The following ABCC1 variants were observed in gnomAD, a reference collection of about 807,000 sequenced individuals.
ABCC1 encodes the protein multidrug resistance-associated protein 1.
A neutral mutation model predicts 172.9 loss-of-function variants in ABCC1; 83 were observed. The observed-to-expected ratio is 0.48, with a 90% CI of 0.40 to 0.58. The LOEUF is 0.58. Ranked by LOEUF, ABCC1 falls within the 20% of genes least tolerant of loss-of-function variation. The probability of loss-of-function intolerance (pLI) is 0.00; values close to 1 mark genes in which losing one functional copy is unlikely to be tolerated. For synonymous variants in ABCC1, 937 were observed against 825.2 expected, an observed-to-expected ratio of 1.14 and a Z score of -2.32; for missense variants, 1,817 against 2,002.7, an observed-to-expected ratio of 0.91 and a Z score of 1.77.
rs867671647 is a variant in ABCC1 at position 15,958,522 on chromosome 16, C to T, written c.48+8723C>T. 3.9e-5 allele frequency among the ~76,000 whole-genome samples: 6 copies of T among 152,294 alleles called. No homozygotes were observed. The Middle Eastern group carries it at 0.01, about 259-fold the overall frequency. ...TGGCATCTCCTGCTTTGCAGGCCAA[C>T]CTTGAAGTTAGCATCTGATTGGTAT... is the stretch of plus-strand genomic sequence containing the variant. On this transcript the variant is annotated intron_variant, in intron 1 of 30. Transcript: ENST00000399410.
intron 20 of ABCC1, among the ~76,000 whole-genome samples, chr16:16,106,248 C>T (rs1046910205): frequency 2.6e-5 from 4 of 152,108 alleles, no homozygotes; most frequent in Non-Finnish European, 4.4e-5. Flanking sequence ...GTGCCCACCA[C>T]ATTTGTAAAA....
intron 1 of ABCC1, among the ~76,000 whole-genome samples, chr16:15,997,646 C>T (rs540985107): frequency 2.4e-4 from 36 of 152,122 alleles, no homozygotes; most frequent in African/African-American, 6.7e-4. Flanking sequence ...GCCAGGGAAT[C>T]GTCCCTTCCT....
chr16:16,010,052 TTTTTTTTTA>T, intron 3 of ABCC1, 151 bp downstream of exon 3: 8 of 652,600 alleles, frequency 1.2e-5, no homozygotes, highest in Admixed American at 4.6e-5. Flanking sequence ...TTTTTTTTTT[TTTTTTTTTA>T]AAGACATGAG....
Position 16,041,094 on chromosome 16 carries a change from A to ATT in ABCC1, c.810-3339_810-3338dup, listed in dbSNP as rs35254618. On this transcript the variant is annotated intron_variant, in intron 7 of 30. Coordinates refer to ENST00000399410, the MANE Select transcript of ABCC1 (RefSeq NM_004996.4). Reference sequence around the variant, plus strand: ...AGGCACGTGCCACCACACCTGGCTAATTTTTTTTTTTTTTTTTTGTAGAGA... The same window carrying ATT: ...AGGCACGTGCCACCACACCTGGCTAATTTTTTTTTTTTTTTTTTTTGTAGAGA... Among the ~76,000 whole-genome samples the ATT allele has an allele frequency of 8.5e-3, 1,128 of 133,086 alleles. 24 individuals are homozygous for ATT. Among genetic ancestry groups the ATT allele is most frequent in the African/African-American group, 0.028 (962 of 34,682 alleles). 87.3% of individuals were successfully genotyped at this position (133,086 alleles called of 152,430 possible).
chr16:16,113,150 C>G (rs1486147993), intron 22 of ABCC1, among the ~76,000 whole-genome samples: 1 of 152,164 alleles, frequency 6.6e-6, no homozygotes, highest in East Asian at 1.9e-4. Context: ...GCAGAGCACA[C>G]ATGGACTCCT....
intron 6 of ABCC1, among the ~76,000 whole-genome samples, chr16:16,033,714 C>T (rs1038318314): frequency 6.6e-6 from 1 of 152,074 alleles, no homozygotes; most frequent in Admixed American, 6.6e-5. Context: ...GTCTCCGCCT[C>T]CCAGGTTCAA....
intron 1 of ABCC1, among the ~76,000 whole-genome samples, chr16:15,974,150 C>G (rs901619935): frequency 1.3e-5 from 2 of 152,148 alleles, no homozygotes; most frequent in Admixed American, 6.5e-5. Context: ...GAGAGTATTC[C>G]TGGGACCTGG....
chr16:15,951,478 T>C (rs375245319), intron 1 of ABCC1, among the ~76,000 whole-genome samples: 2 of 152,290 alleles, frequency 1.3e-5, no homozygotes, highest in East Asian at 3.9e-4. Flanking sequence ...TGGGTTTTGC[T>C]TGGGGGTAAT....
intron 1 of ABCC1, among the ~76,000 whole-genome samples, chr16:16,002,991 G>A (rs143555190): frequency 6.8e-4 from 104 of 152,246 alleles, no homozygotes; most frequent in Middle Eastern, 3.4e-3. Context: ...ATACCTTTTT[G>A]AGTAATTTGA....
At chr16:16,012,140 ACT>A (rs1347457267) in intron 3 of ABCC1, among the ~76,000 whole-genome samples, 3 of 152,028 alleles carry the variant, frequency 2.0e-5, no homozygotes, top group Admixed American at 1.3e-4. Context: ...TGTGCTGTCC[ACT>A]CTCTGCCAAG....
At chr16:16,072,500 A>G (rs2050389714) in intron 14 of ABCC1, among the ~76,000 whole-genome samples, 1 of 138,824 alleles carries the variant, frequency 7.2e-6, no homozygotes, top group African/African-American at 2.8e-5. Flanking sequence ...TTTTTTTTCA[A>G]TATTAAATTG....
intron 5 of ABCC1, among the ~76,000 whole-genome samples, chr16:16,027,140 A>C (rs1161493067): frequency 6.6e-6 from 1 of 152,124 alleles, no homozygotes; most frequent in Non-Finnish European, 1.5e-5. Context: ...CTGGATTTGC[A>C]GGCAAAAGAC....
intron 5 of ABCC1, among the ~76,000 whole-genome samples, chr16:16,022,105 C>T (rs575035748): frequency 4.6e-5 from 7 of 152,328 alleles, no homozygotes; most frequent in East Asian, 3.9e-4. Context: ...CATCACCTGT[C>T]GCCTGTCCTC....
At chr16:16,117,561 A>G (rs2044946855) in intron 23 of ABCC1, among the ~76,000 whole-genome samples, 1 of 152,154 alleles carries the variant, frequency 6.6e-6, no homozygotes, top group South Asian at 2.1e-4. Flanking sequence ...TTCACAAGGG[A>G]CCCTGGAAAG....
intron 1 of ABCC1, among the ~76,000 whole-genome samples, chr16:15,994,888 C>T (rs1043036701): frequency 6.6e-6 from 1 of 151,568 alleles, no homozygotes. Context: ...CTCAGCCTCC[C>T]TAGTAGCTGG....
chr16:16,069,192 A>AT (rs1368869374), intron 13 of ABCC1, among the ~76,000 whole-genome samples: 3 of 147,924 alleles, frequency 2.0e-5, no homozygotes, highest in African/African-American at 7.4e-5. Context: ...AAATAAATAA[A>AT]TAAATAAATA....
intron 1 of ABCC1, among the ~76,000 whole-genome samples, chr16:15,952,375 A>G (rs1300311665): frequency 6.6e-6 from 1 of 152,120 alleles, no homozygotes; most frequent in East Asian, 1.9e-4. Flanking sequence ...GTTGTGACCA[A>G]GGTCATGTGC....
chr16:15,971,842 G>A (rs754967727), intron 1 of ABCC1, among the ~76,000 whole-genome samples: 4 of 152,164 alleles, frequency 2.6e-5, no homozygotes, highest in Non-Finnish European at 5.9e-5. Flanking sequence ...CCTCATGCCG[G>A]TTTAGATAAA....
At chr16:16,112,531 T>C (rs2044662388) in intron 22 of ABCC1, among the ~76,000 whole-genome samples, 2 of 152,226 alleles carry the variant, frequency 1.3e-5, no homozygotes, top group African/African-American at 4.8e-5. Context: ...ATTTTATCCT[T>C]GCAGCAGTCC....
Sources: allele counts gnomAD v4.1 joint callset (sites outside exome capture counted in the v4.1 genomes callset), GRCh38; gene constraint gnomAD v4.1.1; transcripts MANE v1.5; gene names NCBI Gene and HGNC (gene_info 2026-07-23, HGNC 2026-07-21).